PXK: variants seen among roughly 807,000 people sequenced by gnomAD.
The protein encoded by PXK is PX domain-containing protein kinase-like protein.
PXK carries 35 observed loss-of-function variants against 84.7 expected under a neutral mutation model. The observed-to-expected ratio is 0.41, with a 90% CI of 0.32 to 0.55. The LOEUF is 0.55. PXK is among the 20% of genes least tolerant of loss of function. The pLI, the probability that PXK is intolerant of heterozygous loss-of-function variation, is 0.21. For missense variants in PXK, 634 were observed against 699.7 expected, an observed-to-expected ratio of 0.91 and a Z score of 1.06; for synonymous variants, 253 against 260.8, an observed-to-expected ratio of 0.97 and a Z score of 0.29.
chr3:58,338,552 G>A (rs2097666017), intron 1 of PXK, among the ~76,000 whole-genome samples: 1 of 151,978 alleles, frequency 6.6e-6, no homozygotes, highest in Non-Finnish European at 1.5e-5. Flanking sequence ...GAACCTGTGA[G>A]GTGACGGTTG....
At chr3:58,357,586 G>T (rs2098112969) in intron 1 of PXK, among the ~76,000 whole-genome samples, 1 of 152,166 alleles carries the variant, frequency 6.6e-6, no homozygotes, top group Non-Finnish European at 1.5e-5. Context: ...AATCCATTGC[G>T]CTATAATGTT....
intron 1 of PXK, among the ~76,000 whole-genome samples, chr3:58,340,678 T>C (rs2097713550): frequency 6.6e-6 from 1 of 151,612 alleles, no homozygotes; most frequent in African/African-American, 2.4e-5. Flanking sequence ...TGAGCCAAGA[T>C]GGCACCATTG....
chr3:58,365,589 C>T (rs981953118), intron 1 of PXK, among the ~76,000 whole-genome samples: 1 of 152,140 alleles, frequency 6.6e-6, no homozygotes, highest in African/African-American at 2.4e-5. Flanking sequence ...TTGAAGTCTT[C>T]AACTATAATT....
rs2062660828 is a variant in PXK, at chr3:58,425,163, G to T, written c.*203G>T. ...AGTTAGGCTGGCATTGCTCCCTTAA[G>T]ATCTTGCTCCTTTATTAACCCTGTA... On this transcript the variant is annotated 3_prime_UTR_variant, in exon 18 of 18. Transcript: ENST00000356151. 3 of 762,402 alleles carry T rather than the reference G, an allele frequency of 3.9e-6. No homozygotes were observed. The East Asian group carries it at 9.0e-5, about 23-fold the overall frequency. The allele number at this position is 762,402 out of a possible 1,614,324, so 47.2% of individuals were successfully genotyped here. A position where few individuals can be genotyped will look rare whatever the true frequency, so the allele number is the denominator to read the frequency against.
At position 58,412,776 on chromosome 3, in the gene PXK, T is replaced by A; in HGVS notation, c.1466-125T>A. 2.1e-6 allele frequency: 2 copies of A among 953,234 alleles called. No homozygotes were observed. The highest frequency in any genetic ancestry group is 3.4e-6 in the Non-Finnish European group (2 of 595,916). The allele number at this position is 953,234 out of a possible 1,614,324, so 59.0% of individuals were successfully genotyped here. A position where few individuals can be genotyped will look rare whatever the true frequency, so the allele number is the denominator to read the frequency against. On this transcript the variant is annotated intron_variant, in intron 16 of 17. Transcript: ENST00000356151. The surrounding 1 kb of genome is among the most constrained non-coding windows in gnomAD (Gnocchi z 6.2). Reference sequence around the variant, plus strand: ...TCTGAGTTTTTTGTCCCTCATCATCTTGTTTCACAAGGCTCACACACTAAG... The same window carrying A: ...TCTGAGTTTTTTGTCCCTCATCATCATGTTTCACAAGGCTCACACACTAAG...
chr3:58,387,399 T>C (rs572533658), intron 4 of PXK, among the ~76,000 whole-genome samples: 1 of 152,348 alleles, frequency 6.6e-6, no homozygotes, highest in African/African-American at 2.4e-5. Context: ...CTGTGTGCCA[T>C]GTGCTATGTA....
chr3:58,362,918 A>T (rs1422598048), intron 1 of PXK, among the ~76,000 whole-genome samples: 2 of 152,034 alleles, frequency 1.3e-5, no homozygotes, highest in Admixed American at 1.3e-4. Context: ...GAGTTTCACC[A>T]TGTTGCCCAG....
intron 1 of PXK, among the ~76,000 whole-genome samples, chr3:58,361,158 T>C (rs928519963): frequency 2.0e-5 from 3 of 151,552 alleles, no homozygotes; most frequent in African/African-American, 7.3e-5. Flanking sequence ...TTAGCCAGAA[T>C]GTTGGCGCGC....
At chr3:58,419,733 T>C (rs1321191799) in intron 17 of PXK, among the ~76,000 whole-genome samples, 1 of 152,226 alleles carries the variant, frequency 6.6e-6, no homozygotes, top group Admixed American at 6.5e-5. Context: ...CTGGAGGGCC[T>C]CTTTTCCGTT....
In PXK at chr3:58,364,384, G is replaced by A. The variant is rs138617720; in HGVS notation, c.103-1490G>A. ...CCTTGATACATATTTGGCGGGGGGA[G>A]GGGAGCGGAGTTTTTTAGTTATGAA... is the stretch of plus-strand genomic sequence containing the variant. On this transcript the variant is annotated intron_variant, in intron 1 of 17. Coordinates refer to ENST00000356151, the MANE Select transcript of PXK (RefSeq NM_017771.5). The surrounding 1 kb of genome is among the most constrained non-coding windows in gnomAD (Gnocchi z 4.3). Among the ~76,000 whole-genome samples, 79 of 152,208 alleles carry A rather than the reference G, an allele frequency of 5.2e-4. No individual in the cohort carries two copies. The highest frequency in any genetic ancestry group is 1.6e-3 in the African/African-American group (66 of 41,514).
chr3:58,370,618 A>G lies in PXK; in HGVS notation c.201+1140A>G, dbSNP rs543793979. On this transcript the variant is annotated intron_variant, in intron 3 of 17. Coordinates refer to ENST00000356151, the MANE Select transcript of PXK (RefSeq NM_017771.5). This position sits in a 1 kb window ranked among gnomAD's most constrained non-coding sequence, Gnocchi z 4.2. ...TTCTGAGGGACCTCTGATCTTGCCC[A>G]TAAAGGTCAGGAGGACTGTGCACTA... Among the ~76,000 whole-genome samples the G allele has an allele frequency of 1.3e-5, 2 of 152,206 alleles. No homozygotes were observed. Among genetic ancestry groups the G allele is most frequent in the Non-Finnish European group, 1.5e-5 (1 of 68,034 alleles).
intron 12 of PXK, among the ~76,000 whole-genome samples, chr3:58,402,953 C>T (rs1047434328): frequency 3.3e-5 from 5 of 151,902 alleles, no homozygotes; most frequent in African/African-American, 9.7e-5. Flanking sequence ...CTCTCCCCAC[C>T]TCTCCCCCTA....
At chr3:58,367,723 C>A (rs1449944139) in intron 2 of PXK, among the ~76,000 whole-genome samples, 1 of 152,152 alleles carries the variant, frequency 6.6e-6, no homozygotes, top group East Asian at 1.9e-4. Flanking sequence ...TGCTCTGTGG[C>A]CCAGACTGGA....
At chr3:58,342,025 A>G (rs1477555050) in intron 1 of PXK, among the ~76,000 whole-genome samples, 1 of 151,996 alleles carries the variant, frequency 6.6e-6, no homozygotes, top group Non-Finnish European at 1.5e-5. Flanking sequence ...AGTACCCCAA[A>G]AAGAAGCCTT....
At chr3:58,355,410 C>T (rs2098052927) in intron 1 of PXK, among the ~76,000 whole-genome samples, 2 of 152,158 alleles carry the variant, frequency 1.3e-5, no homozygotes, top group African/African-American at 2.4e-5. Flanking sequence ...GAGAGAATTA[C>T]GTGGGCTAGG....
chr3:58,423,576 G>C, intron 17 of PXK: 1 of 1,351,344 alleles, frequency 7.4e-7, no homozygotes, highest in South Asian at 1.3e-5. Flanking sequence ...GTATTGTGTT[G>C]GTGATTCTGA....
At position 58,382,496 on chromosome 3, in the gene PXK, T is replaced by TC; in HGVS notation, c.202-18_202-17insC. The TC allele has an allele frequency of 6.6e-7, 1 of 1,508,196 alleles. No individual in the cohort carries two copies. The highest frequency in any genetic ancestry group is 1.4e-5 in the African/African-American group (1 of 70,372). 93.4% of individuals were successfully genotyped at this position (1,508,196 alleles called of 1,614,324 possible). On this transcript the variant is annotated splice_polypyrimidine_tract_variant and intron_variant, in intron 3 of 17. Coordinates refer to ENST00000356151, the MANE Select transcript of PXK (RefSeq NM_017771.5). ...TTGTGGATGACATGAGTGTAACTTT[T>TC]TTTTTTTTTTTTTAAAGATTGCAGG...
intron 17 of PXK, chr3:58,423,225 C>T (rs889087175): frequency 2.0e-6 from 2 of 982,906 alleles, no homozygotes; most frequent in African/African-American, 3.5e-5. Flanking sequence ...TCAACAGTTA[C>T]TTCAGGTTTA....
intron 3 of PXK, among the ~76,000 whole-genome samples, chr3:58,381,427 G>T (rs1218010107): frequency 6.6e-6 from 1 of 151,802 alleles, no homozygotes; most frequent in Non-Finnish European, 1.5e-5. Flanking sequence ...TGTAGGGACC[G>T]CCAGTCCTGC....
Sources: allele counts gnomAD v4.1 joint callset (sites outside exome capture counted in the v4.1 genomes callset), GRCh38; gene constraint gnomAD v4.1.1; non-coding constraint Gnocchi (gnomAD v3.1); transcripts MANE v1.5; gene names NCBI Gene and HGNC (gene_info 2026-07-23, HGNC 2026-07-21).